The following SRPK1 variants were observed in gnomAD, a reference collection of about 807,000 sequenced individuals.
SRPK1 encodes SFRS protein kinase 1.
In SRPK1, 52 loss-of-function variants were observed where a neutral mutation model predicts 89.5. The observed-to-expected ratio is 0.58, with a 90% CI of 0.46 to 0.73. The LOEUF is 0.73. Ranked by LOEUF, SRPK1 falls within the 30% of genes least tolerant of loss-of-function variation. The pLI is 0.00. For missense variants in SRPK1, 603 were observed against 780.6 expected, an observed-to-expected ratio of 0.77 and a Z score of 2.71; for synonymous variants, 255 against 270.2, an observed-to-expected ratio of 0.94 and a Z score of 0.55.
chr6:35,887,580 T>C (rs1038324656), intron 5 of SRPK1, among the ~76,000 whole-genome samples: 9 of 152,198 alleles, frequency 5.9e-5, no homozygotes, highest in African/African-American at 1.7e-4. Context: ...TTTGATAGAA[T>C]TTATCTCAGT....
chr6:35,896,458 G>A (rs551873704), intron 2 of SRPK1, among the ~76,000 whole-genome samples: 2 of 152,284 alleles, frequency 1.3e-5, no homozygotes, highest in South Asian at 4.1e-4. Context: ...TGGTGAAGAA[G>A]TGAAAAAAAC....
At chr6:35,862,438 C>A (rs765454619) in intron 12 of SRPK1, among the ~76,000 whole-genome samples, 1 of 151,974 alleles carries the variant, frequency 6.6e-6, no homozygotes, top group Non-Finnish European at 1.5e-5. Context: ...TATACAAAAA[C>A]CATACTACCA....
intron 6 of SRPK1, among the ~76,000 whole-genome samples, chr6:35,880,746 A>AAAAAAAAAAAAAAAAAAAAGAAAGAAAG (rs1770263877): frequency 2.5e-4 from 22 of 89,220 alleles, no homozygotes; most frequent in Non-Finnish European, 3.4e-4. Flanking sequence ...AAAAAAAAAA[A>AAAAAAAAAAAAAAAAAAAAGAAAGAAAG]AAAAGAAAAG....
intron 7 of SRPK1, among the ~76,000 whole-genome samples, 152 bp downstream of exon 7, chr6:35,874,081 C>T (rs1770103002): frequency 6.6e-6 from 1 of 152,094 alleles, no homozygotes; most frequent in South Asian, 2.1e-4. Flanking sequence ...CCCGCCTCGG[C>T]CTCCCAAAGT....
intron 13 of SRPK1, among the ~76,000 whole-genome samples, chr6:35,851,921 G>C (rs1769564556): frequency 6.6e-6 from 1 of 152,168 alleles, no homozygotes; most frequent in African/African-American, 2.4e-5. Flanking sequence ...TAGACTTAAA[G>C]CTTTAGTTTT....
chr6:35,850,748 CA>C (rs369163405), intron 13 of SRPK1, among the ~76,000 whole-genome samples: 1 of 151,632 alleles, frequency 6.6e-6, no homozygotes, highest in African/African-American at 2.4e-5. Context: ...CAAACAACAA[CA>C]AAAAAAACCC....
intron 6 of SRPK1, among the ~76,000 whole-genome samples, chr6:35,885,404 G>A (rs988945977): frequency 6.6e-6 from 1 of 151,796 alleles, no homozygotes; most frequent in Non-Finnish European, 1.5e-5. Flanking sequence ...TTAGACATCT[G>A]GGTAATCTGT....
intron 2 of SRPK1, among the ~76,000 whole-genome samples, chr6:35,892,990 C>T (rs974096870): frequency 6.6e-6 from 1 of 152,114 alleles, no homozygotes; most frequent in Non-Finnish European, 1.5e-5. Context: ...TTTAATCCCC[C>T]AGGGTACACA....
intron 2 of SRPK1, among the ~76,000 whole-genome samples, chr6:35,894,072 CA>C (rs1770581142): frequency 6.6e-6 from 1 of 152,020 alleles, no homozygotes; most frequent in Non-Finnish European, 1.5e-5. Context: ...GGCTATCAAT[CA>C]GGTCTCTAAT....
At chr6:35,891,485 C>G (rs1322980292) in intron 2 of SRPK1, among the ~76,000 whole-genome samples, 1 of 151,910 alleles carries the variant, frequency 6.6e-6, no homozygotes, top group Non-Finnish European at 1.5e-5. Flanking sequence ...TTTGGGAGGC[C>G]GAGGTGGGTG....
chr6:35,851,422 C>G (rs1237626993), intron 13 of SRPK1, among the ~76,000 whole-genome samples: 1 of 152,112 alleles, frequency 6.6e-6, no homozygotes, highest in East Asian at 1.9e-4. Flanking sequence ...GATCCACCCA[C>G]CTCAGCCTCC....
At chr6:35,920,389 A>C (rs1581606189) in intron 2 of SRPK1, 79 bp downstream of exon 2, 1 of 1,539,784 alleles carries the variant, frequency 6.5e-7, no homozygotes, top group Non-Finnish European at 9.0e-7. Context: ...AACCCGGTGC[A>C]CGTTCAAGAC....
At chr6:35,900,737 C>A (rs189753933) in intron 2 of SRPK1, among the ~76,000 whole-genome samples, 1 of 152,042 alleles carries the variant, frequency 6.6e-6, no homozygotes, top group Admixed American at 6.6e-5. Flanking sequence ...AGGAGGTGAG[C>A]GATGCTGGGA....
At chr6:35,910,127 G>T (rs891607988) in intron 2 of SRPK1, among the ~76,000 whole-genome samples, 4 of 152,082 alleles carry the variant, frequency 2.6e-5, no homozygotes, top group African/African-American at 9.7e-5. Flanking sequence ...GGGATTACAG[G>T]CATGCGCCAC....
chr6:35,837,787 G>C (rs1769214294), intron 15 of SRPK1, among the ~76,000 whole-genome samples: 1 of 151,360 alleles, frequency 6.6e-6, no homozygotes, highest in African/African-American at 2.4e-5. Context: ...TGAACTCCTA[G>C]ACTCAAGTGA....
chr6:35,888,109 C>A lies in SRPK1; in HGVS notation c.305G>T (p.Gly102Val). Residue 102 changes from glycine (G) to valine (V), a missense_variant and splice_region_variant, in exon 5 of 16, where the codon GGG (glycine) becomes GTG (valine). Coordinates refer to ENST00000373825, the MANE Select transcript of SRPK1 (RefSeq NM_003137.5). ...TACTTTCATTGCCACAAATTTCTTCCCCCTAAGAAACAAACACAGGCAATT... is the reference window on the plus strand; with the variant it reads ...TACTTTCATTGCCACAAATTTCTTCACCCTAAGAAACAAACACAGGCAATT... ...STVWLSWDIQ[G>V]KKFVAMKVVK... The A allele has an allele frequency of 6.2e-7, 1 of 1,603,168 alleles. No homozygotes were observed. Among genetic ancestry groups the A allele is most frequent in the East Asian group, 2.3e-5 (1 of 44,432 alleles).
At chr6:35,868,987 C>A (rs1286157284) in intron 12 of SRPK1, 23 bp downstream of exon 12, 14 of 1,599,098 alleles carry the variant, frequency 8.8e-6, no homozygotes, top group Non-Finnish European at 1.1e-5. Context: ...CTTCAAAACA[C>A]CATTAAGGCA....
chr6:35,911,538 G>A (rs550088124), intron 2 of SRPK1, among the ~76,000 whole-genome samples: 25 of 152,026 alleles, frequency 1.6e-4, no homozygotes, highest in Non-Finnish European at 2.8e-4. Flanking sequence ...AACATGGTGA[G>A]ACCCTGTCTC....
At chr6:35,889,452 A>G (rs1461307878) in intron 3 of SRPK1, among the ~76,000 whole-genome samples, 2 of 151,828 alleles carry the variant, frequency 1.3e-5, no homozygotes, top group African/African-American at 4.8e-5. Context: ...GTTCGAGACC[A>G]GCCTGGCCAA....
Sources: allele counts gnomAD v4.1 joint callset (sites outside exome capture counted in the v4.1 genomes callset), GRCh38; gene constraint gnomAD v4.1.1; transcripts MANE v1.5; gene names NCBI Gene and HGNC (gene_info 2026-07-23, HGNC 2026-07-21).